The following ATP9B variants were observed in gnomAD, a reference collection of about 807,000 sequenced individuals.
ATP9B encodes ATPase phospholipid transporting 9B, also known as probable phospholipid-transporting ATPase IIB.
A neutral mutation model predicts 146.1 loss-of-function variants in ATP9B; 110 were observed. The observed-to-expected ratio is 0.75, with a 90% CI of 0.65 to 0.88. ATP9B has a LOEUF of 0.88. ATP9B is among the 40% of genes least tolerant of loss of function. ATP9B has a pLI of 0.00. For missense variants in ATP9B, 1,499 were observed against 1,496.4 expected (o/e 1.00, Z -0.03); for synonymous variants, 604 against 569.7 (o/e 1.06, Z -0.86).
At chr18:79,163,854 TC>T (rs1307369736) in intron 7 of ATP9B, among the ~76,000 whole-genome samples, 3 of 141,432 alleles carry the variant, frequency 2.1e-5, no homozygotes, top group East Asian at 4.0e-4. Context: ...TATTTTATTT[TC>T]ATATTTTATT....
chr18:79,117,480 T>G (rs1164838714), intron 4 of ATP9B: 1 of 152,258 alleles, frequency 6.6e-6, no homozygotes, highest in Non-Finnish European at 1.5e-5. Context: ...CAGTCAGATA[T>G]GAAACAGGGA....
intron 9 of ATP9B, among the ~76,000 whole-genome samples, chr18:79,206,034 G>A (rs1426832042): frequency 6.6e-6 from 1 of 151,528 alleles, no homozygotes; most frequent in Non-Finnish European, 1.5e-5. Context: ...TCTGCCTCCC[G>A]GGTTCACGCC....
chr18:79,315,567 G>A (rs2096674810), intron 15 of ATP9B, among the ~76,000 whole-genome samples: 1 of 152,216 alleles, frequency 6.6e-6, no homozygotes, highest in Non-Finnish European at 1.5e-5. Context: ...TTACAGTGTA[G>A]CGGGTAGCTG....
At chr18:79,272,788 A>G (rs931005261) in intron 12 of ATP9B, among the ~76,000 whole-genome samples, 15 of 152,242 alleles carry the variant, frequency 9.9e-5, no homozygotes, top group Non-Finnish European at 2.2e-4. Flanking sequence ...TCTGTTATGC[A>G]TCATTCCTAA....
Position 79,154,592 on chromosome 18 carries a change from A to G in ATP9B, c.778+37A>G, listed in dbSNP as rs200387152. On this transcript the variant is annotated intron_variant, in intron 7 of 29. Coordinates refer to ENST00000426216, the MANE Select transcript of ATP9B (RefSeq NM_198531.5). ...TTTAAAAAAACTTACCTAACTGTAT[A>G]TTATTGCAAAAACAAATTTACAAAT... is the stretch of plus-strand genomic sequence containing the variant. 6 of 1,397,108 alleles carry G rather than the reference A, an allele frequency of 4.3e-6. No homozygotes were observed. The East Asian group carries it at 7.5e-5, about 18-fold the overall frequency. 86.5% of individuals were successfully genotyped at this position (1,397,108 alleles called of 1,614,324 possible).
chr18:79,220,457 T>C (rs758215075), intron 11 of ATP9B, among the ~76,000 whole-genome samples: 4 of 151,926 alleles, frequency 2.6e-5, no homozygotes, highest in Non-Finnish European at 4.4e-5. Context: ...AAAGATTCCC[T>C]GGGCGTGGTG....
chr18:79,345,735 G>C (rs756606449), intron 22 of ATP9B, 40 bp from the exon 23 acceptor site: 2 of 1,612,990 alleles, frequency 1.2e-6, no homozygotes, highest in Admixed American at 3.3e-5. Flanking sequence ...ACGTGATGAT[G>C]GATAAGGTTT....
intron 7 of ATP9B, chr18:79,173,617 G>A: frequency 9.1e-6 from 4 of 440,944 alleles, no homozygotes; most frequent in South Asian, 1.6e-5. Context: ...TGCATCAAAA[G>A]TAGTTGCCAT....
intron 25 of ATP9B, among the ~76,000 whole-genome samples, chr18:79,355,786 C>A (rs142299177): frequency 6.6e-6 from 1 of 152,148 alleles, no homozygotes; most frequent in Non-Finnish European, 1.5e-5. Flanking sequence ...GGTAAGCAAA[C>A]CCTGAACAGG....
At chr18:79,234,363 T>C (rs77413530) in intron 11 of ATP9B, among the ~76,000 whole-genome samples, 4,907 of 152,360 alleles carry the variant, frequency 0.032, 117 homozygotes, top group Non-Finnish European at 0.042. Context: ...CCGAGTTCCA[T>C]GAGCAGTGAG....
chr18:79,072,479 G>A (rs935005510), intron 1 of ATP9B, among the ~76,000 whole-genome samples: 2 of 152,234 alleles, frequency 1.3e-5, no homozygotes, highest in Non-Finnish European at 2.9e-5. Context: ...TAAGGTTATA[G>A]ATTAACGGCA....
At chr18:79,301,830 T>C (rs1179849261) in intron 13 of ATP9B, among the ~76,000 whole-genome samples, 1 of 152,240 alleles carries the variant, frequency 6.6e-6, no homozygotes, top group Non-Finnish European at 1.5e-5. Flanking sequence ...TTTAAAACTT[T>C]ATTATATTCA....
chr18:79,335,690 C>T (rs2096820695), intron 17 of ATP9B, among the ~76,000 whole-genome samples: 1 of 152,196 alleles, frequency 6.6e-6, no homozygotes, highest in Non-Finnish European at 1.5e-5. Context: ...CTGCCCTCCC[C>T]TCCATCACTA....
chr18:79,311,999 T>G (rs1434189741), intron 15 of ATP9B, among the ~76,000 whole-genome samples: 1 of 152,198 alleles, frequency 6.6e-6, no homozygotes, highest in East Asian at 1.9e-4. Context: ...GTCAAACCCG[T>G]AATGCCTTCT....
intron 10 of ATP9B, 129 bp downstream of exon 10, chr18:79,207,141 C>A (rs796377744): frequency 1.6e-5 from 13 of 818,764 alleles, no homozygotes; most frequent in Non-Finnish European, 2.6e-5. Context: ...AACGCAGACT[C>A]CAGCTCAGTG....
At chr18:79,255,646 T>C (rs1487651933) in intron 12 of ATP9B, among the ~76,000 whole-genome samples, 1 of 152,206 alleles carries the variant, frequency 6.6e-6, no homozygotes, top group African/African-American at 2.4e-5. Flanking sequence ...AGGAGCTGCT[T>C]CTGCTCCTAG....
chr18:79,374,150 T>G, intron 28 of ATP9B, 49 bp downstream of exon 28: 1 of 1,573,454 alleles, frequency 6.4e-7, no homozygotes, highest in Non-Finnish European at 8.7e-7. Context: ...TTCATGATTT[T>G]GAAGTATTTT....
chr18:79,164,229 A>G (rs948396702), intron 7 of ATP9B, among the ~76,000 whole-genome samples: 3 of 152,068 alleles, frequency 2.0e-5, no homozygotes, highest in African/African-American at 7.2e-5. Context: ...CCAGCCCTAT[A>G]TTTTTTAAAG....
At chr18:79,367,002 T>C (rs1339445017) in intron 26 of ATP9B, among the ~76,000 whole-genome samples, 2 of 151,802 alleles carry the variant, frequency 1.3e-5, no homozygotes, top group African/African-American at 2.4e-5. Context: ...AGCACACAGA[T>C]ACCTTCACCT....
Sources: allele counts gnomAD v4.1 joint callset (sites outside exome capture counted in the v4.1 genomes callset), GRCh38; gene constraint gnomAD v4.1.1; transcripts MANE v1.5; gene names NCBI Gene and HGNC (gene_info 2026-07-23, HGNC 2026-07-21).